ELAC1: variants seen among roughly 807,000 people sequenced by gnomAD.
ELAC1 encodes the protein zinc phosphodiesterase ELAC protein 1.
In ELAC1, 19 loss-of-function variants were observed where a neutral mutation model predicts 25.8. The observed-to-expected ratio is 0.74, with a 90% CI of 0.51 to 1.08. The LOEUF (loss-of-function observed/expected upper bound fraction) is 1.08. Among genes scored for constraint, ELAC1 ranks in the 50% least tolerant of loss-of-function variants. The pLI, the probability that ELAC1 is intolerant of heterozygous loss-of-function variation, is 0.00. For synonymous variants in ELAC1, 148 were observed against 160.9 expected, an observed-to-expected ratio of 0.92 and a Z score of 0.61; for missense variants, 403 against 434.6, an observed-to-expected ratio of 0.93 and a Z score of 0.65.
chr18:50,985,213 T>G (rs950006774), intron 3 of ELAC1, among the ~76,000 whole-genome samples: 3 of 152,210 alleles, frequency 2.0e-5, no homozygotes, highest in Non-Finnish European at 2.9e-5. Flanking sequence ...TTTTCATGTC[T>G]TCCCTTTGAT....
chr18:50,976,037 G>A (rs1314009086), intron 2 of ELAC1, among the ~76,000 whole-genome samples: 4 of 152,198 alleles, frequency 2.6e-5, no homozygotes, highest in Non-Finnish European at 4.4e-5. Flanking sequence ...GGAGCATTGA[G>A]TACTTGGCTA....
intron 1 of ELAC1, chr18:50,969,085 G>A (rs1424271369): frequency 1.3e-5 from 2 of 152,150 alleles, no homozygotes; most frequent in Non-Finnish European, 2.9e-5. Context: ...CATTATCAGT[G>A]TACTTAGCAC....
intron 3 of ELAC1, among the ~76,000 whole-genome samples, chr18:50,985,574 T>C (rs775090393): frequency 6.6e-5 from 10 of 152,264 alleles, no homozygotes; most frequent in Non-Finnish European, 1.5e-4. Flanking sequence ...ACAGGCATGC[T>C]GTGGCAGTGC....
Position 50,986,926 on chromosome 18 carries a change from G to T in ELAC1, c.933G>T (p.Leu311=). Residue 311 remains leucine (L), a synonymous_variant, in exon 4 of 4, where the codon CTG becomes CTT. Coordinates refer to ENST00000269466, the MANE Select transcript of ELAC1 (RefSeq NM_018696.3). ...TGTGCCGTGCAAAGAGGCTGGTTCTGACTCACTTCAGTCAGAGGTACAAAC... is the reference window on the plus strand; with the variant it reads ...TGTGCCGTGCAAAGAGGCTGGTTCTTACTCACTTCAGTCAGAGGTACAAAC... ...AKLCRAKRLV[L]THFSQRYKPV... is the part of the protein sequence containing the mutation. 1 of 1,613,928 alleles carries T rather than the reference G, an allele frequency of 6.2e-7. No homozygotes were observed. Among genetic ancestry groups the T allele is most frequent in the Non-Finnish European group, 8.5e-7 (1 of 1,179,904 alleles).
At chr18:50,969,016 C>A (rs1270784008) in intron 1 of ELAC1, 1 of 152,226 alleles carries the variant, frequency 6.6e-6, no homozygotes, top group African/African-American at 2.4e-5. Flanking sequence ...ATGTACCATT[C>A]CATCTGTTAC....
At chr18:50,968,503 C>T (rs1244365712) in intron 1 of ELAC1, 1 of 152,360 alleles carries the variant, frequency 6.6e-6, no homozygotes, top group African/African-American at 2.4e-5. Context: ...CACTGCCTGC[C>T]TGAAAACGAA....
At chr18:50,983,420 C>G (rs1299115059) in intron 2 of ELAC1, among the ~76,000 whole-genome samples, 1 of 152,038 alleles carries the variant, frequency 6.6e-6, no homozygotes, top group Non-Finnish European at 1.5e-5. Flanking sequence ...CTGCCTCGGT[C>G]TCCCAAAGTG....
chr18:50,976,855 G>C (rs1907807500), intron 2 of ELAC1, among the ~76,000 whole-genome samples: 1 of 152,158 alleles, frequency 6.6e-6, no homozygotes, highest in African/African-American at 2.4e-5. Context: ...GATACAATGG[G>C]GGTACAGGCA....
chr18:50,971,339 G>A (rs1907646156), intron 1 of ELAC1, among the ~76,000 whole-genome samples: 1 of 152,152 alleles, frequency 6.6e-6, no homozygotes, highest in Non-Finnish European at 1.5e-5. Flanking sequence ...GCACTGACTA[G>A]CATTGCTCTA....
At chr18:50,981,062 A>G (rs906501218) in intron 2 of ELAC1, among the ~76,000 whole-genome samples, 6 of 152,034 alleles carry the variant, frequency 3.9e-5, no homozygotes, top group South Asian at 2.1e-4. Flanking sequence ...CCATCAGGTA[A>G]CTAATTATCC....
chr18:50,983,088 A>G (rs1185682067), intron 2 of ELAC1, among the ~76,000 whole-genome samples: 5 of 150,492 alleles, frequency 3.3e-5, no homozygotes, highest in Non-Finnish European at 7.4e-5. Flanking sequence ...GATGCTTTTA[A>G]TACTTGAGGC....
At chr18:50,979,718 A>G (rs1907890825) in intron 2 of ELAC1, among the ~76,000 whole-genome samples, 1 of 151,846 alleles carries the variant, frequency 6.6e-6, no homozygotes, top group African/African-American at 2.4e-5. Flanking sequence ...TCCTTTATAT[A>G]TGATTTTCTG....
intron 2 of ELAC1, among the ~76,000 whole-genome samples, chr18:50,982,952 G>T (rs1296962383): frequency 6.6e-6 from 1 of 152,044 alleles, no homozygotes; most frequent in Non-Finnish European, 1.5e-5. Context: ...AGTATAGGGA[G>T]TCCTTAAAAG....
intron 2 of ELAC1, among the ~76,000 whole-genome samples, chr18:50,976,496 A>C (rs1480993232): frequency 1.3e-5 from 2 of 152,148 alleles, no homozygotes; most frequent in Non-Finnish European, 2.9e-5. Flanking sequence ...AACCCGTCAG[A>C]TCTCATGAGA....
chr18:50,973,963 G>A (rs1907728527), intron 1 of ELAC1, among the ~76,000 whole-genome samples: 1 of 152,132 alleles, frequency 6.6e-6, no homozygotes, highest in Admixed American at 6.5e-5. Flanking sequence ...GTGTACAGTT[G>A]ACCAATGTAT....
rs758801206 is a variant in ELAC1 at position 50,987,071 on chromosome 18, C to G, written c.1078C>G (p.Pro360Ala). Residue 360 changes from proline to alanine, a missense_variant, in exon 4 of 4, where the codon CCA becomes GCA. Coordinates refer to ENST00000269466, the MANE Select transcript of ELAC1 (RefSeq NM_018696.3). ...LAEDFMVISI[P>A]IKK is the part of the protein sequence containing the mutation. ...AGAAGATTTTATGGTGATAAGCATT[C>G]CAATCAAGAAATGAAACCAGTGTTC... 1.3e-6 allele frequency: 2 copies of G among 1,538,056 alleles called. No individual in the cohort carries two copies. Among genetic ancestry groups the G allele is most frequent in the Admixed American group, 4.1e-5 (2 of 48,550 alleles).
chr18:50,973,466 C>T (rs1202169386), intron 1 of ELAC1, among the ~76,000 whole-genome samples: 2 of 152,096 alleles, frequency 1.3e-5, no homozygotes, highest in African/African-American at 4.8e-5. Flanking sequence ...TAGCAGAGTC[C>T]CAAGTCCTCG....
rs147821374 is a variant in ELAC1 at position 50,983,456 on chromosome 18, G to A, written c.158-640G>A. On this transcript the variant is annotated intron_variant, in intron 2 of 3. Transcript: ENST00000269466. The stretch of plus-strand genomic sequence containing the variant: ...CTGGGATTACAGGCGTTGAGCCACC[G>A]TGCCTGGCCTACTTGTTTTTTTATG... Among the ~76,000 whole-genome samples the A allele has an allele frequency of 1.5e-4, 23 of 151,956 alleles. No homozygotes were observed. In the East Asian group the frequency reaches 2.5e-3, roughly 17 times the overall value.
At chr18:50,983,789 G>C (rs1247949431) in intron 2 of ELAC1, among the ~76,000 whole-genome samples, 2 of 151,284 alleles carry the variant, frequency 1.3e-5, no homozygotes, top group Non-Finnish European at 2.9e-5. Context: ...AGGAGGTCAA[G>C]GCTGCAGTGA....
Sources: gnomAD v4.1 joint callset for allele counts (sites outside exome capture counted in the v4.1 genomes callset) on GRCh38, gnomAD v4.1.1 for gene constraint, MANE v1.5 for transcripts, NCBI Gene and HGNC (gene_info 2026-07-23, HGNC 2026-07-21) for gene names.